GSK3B: variants seen among roughly 807,000 people sequenced by gnomAD.
GSK3B encodes glycogen synthase kinase 3 beta, also known as glycogen synthase kinase-3 beta.
A neutral mutation model predicts 56.4 loss-of-function variants in GSK3B; 15 were observed. The ratio of observed to expected loss-of-function variants is 0.27; its 90% CI spans 0.18 to 0.41. The LOEUF is 0.41. GSK3B is among the 10% of genes least tolerant of loss of function. The pLI, the probability that GSK3B is intolerant of heterozygous loss-of-function variation, is 1.00. For synonymous variants in GSK3B, 181 were observed against 188.9 expected (o/e 0.96, Z 0.34); for missense variants, 300 against 513.4 (o/e 0.58, Z 4.02).
rs1009300289 is a variant in GSK3B at position 119,941,232 on chromosome 3, G to A, written c.366+6036C>T. Among the ~76,000 whole-genome samples the A allele has an allele frequency of 2.6e-5, 4 of 151,964 alleles. No homozygotes were observed. In the East Asian group the frequency reaches 5.8e-4, roughly 22 times the overall value. On this transcript the variant is annotated intron_variant, in intron 3 of 10. Coordinates refer to ENST00000264235, the MANE Select transcript of GSK3B (RefSeq NM_001146156.2). ...GGGTTTCACCATGTTAGCCAGGCTGGTCTCAAATTCCTGACCCCAGGAGAT... is the reference window on the plus strand; with the variant it reads ...GGGTTTCACCATGTTAGCCAGGCTGATCTCAAATTCCTGACCCCAGGAGAT...
rs550369454 is a variant in GSK3B, at chr3:120,081,593, A to G, written c.88+11754T>C. ...CAAATTTAACTTAATTTCTTACATC[A>G]AAACTTAAATGTTCCTAGAAACATC... On this transcript the variant is annotated intron_variant, in intron 1 of 10. Transcript: ENST00000264235. Among the ~76,000 whole-genome samples, 8 of 152,280 alleles carry G rather than the reference A, an allele frequency of 5.3e-5. No individual in the cohort carries two copies. The East Asian group carries it at 1.2e-3, about 22-fold the overall frequency.
intron 1 of GSK3B, among the ~76,000 whole-genome samples, chr3:120,062,070 A>C (rs2058242004): frequency 6.6e-6 from 1 of 152,110 alleles, no homozygotes; most frequent in Admixed American, 6.5e-5. Context: ...ATACCTCCTG[A>C]AACCCTTGTC....
At chr3:119,996,388 T>C (rs546597799) in intron 2 of GSK3B, among the ~76,000 whole-genome samples, 2 of 152,354 alleles carry the variant, frequency 1.3e-5, no homozygotes, top group East Asian at 3.9e-4. Context: ...AAAACCATAG[T>C]ATCTAATACA....
At chr3:119,959,553 C>T (rs1287436800) in intron 2 of GSK3B, among the ~76,000 whole-genome samples, 2 of 145,166 alleles carry the variant, frequency 1.4e-5, no homozygotes, top group African/African-American at 5.1e-5. Flanking sequence ...CTCACTCTGT[C>T]GCCCAGGCTG....
rs1486492119 is a variant in GSK3B, at chr3:119,912,804, C to T, written c.615G>A (p.Lys205=). The change falls in exon 6 of 11, where the codon AAG becomes AAA. Residue 205 remains lysine, a synonymous_variant. Transcript: ENST00000264235. ...CATTGGGTTCTCCTCGGACCAGCTG[C>T]TTTGCACTAACAGAAAAAAAATAAA... is the stretch of plus-strand genomic sequence containing the variant. The part of the protein sequence containing the change: ...VLKLCDFGSA[K]QLVRGEPNVS... 4.5e-6 allele frequency: 7 copies of T among 1,545,108 alleles called. No homozygotes were observed. Among genetic ancestry groups the T allele is most frequent in the Non-Finnish European group, 4.4e-6 (5 of 1,124,796 alleles).
Position 119,825,585 on chromosome 3 carries a change from G to A in GSK3B, c.*1203C>T, listed in dbSNP as rs562504663. The A allele has an allele frequency of 1.5e-4, 35 of 228,380 alleles. No individual in the cohort carries two copies. Among genetic ancestry groups the A allele is most frequent in the Non-Finnish European group, 2.7e-4 (31 of 115,270 alleles). The allele number at this position is 228,380 out of a possible 1,614,324, so 14.1% of individuals were successfully genotyped here. The stretch of plus-strand genomic sequence containing the variant: ...GTATAAGTGACTGTATCATTCTGAT[G>A]TGTAGTTTTTAATATTTCTACCATC... On this transcript the variant is annotated 3_prime_UTR_variant, in exon 11 of 11. Transcript: ENST00000264235.
At chr3:119,923,288 A>T in intron 4 of GSK3B, 85 bp downstream of exon 4, 1 of 692,322 alleles carries the variant, frequency 1.4e-6, no homozygotes, top group Admixed American at 2.5e-5. Context: ...ATTAAATACA[A>T]TAATATAGTT....
intron 9 of GSK3B, among the ~76,000 whole-genome samples, chr3:119,861,652 A>G (rs550267318): frequency 6.6e-6 from 1 of 152,242 alleles, no homozygotes. Context: ...AGCGATTTAC[A>G]AAGACCGTGA....
At chr3:120,016,353 T>C (rs949564253) in intron 1 of GSK3B, among the ~76,000 whole-genome samples, 2 of 152,190 alleles carry the variant, frequency 1.3e-5, no homozygotes, top group Non-Finnish European at 2.9e-5. Context: ...ATTTAATTCC[T>C]ACAAAAAGCC....
At chr3:120,027,642 A>T (rs2057939500) in intron 1 of GSK3B, among the ~76,000 whole-genome samples, 1 of 152,184 alleles carries the variant, frequency 6.6e-6, no homozygotes, top group Non-Finnish European at 1.5e-5. Flanking sequence ...ATTTTCCAAG[A>T]ATATTTAATG....
intron 1 of GSK3B, among the ~76,000 whole-genome samples, chr3:120,085,390 T>C (rs561975021): frequency 1.8e-4 from 27 of 152,164 alleles, no homozygotes; most frequent in Non-Finnish European, 3.4e-4. Flanking sequence ...GCAAATACTA[T>C]CAGTCTGATG....
rs56897578 is a variant in GSK3B, at chr3:120,079,067, G to A, written c.88+14280C>T. ...AACGATTCTCCTGCCTCAGCCTCCC[G>A]TGTAGCTGGGATTACAAGCATGCAC... On this transcript the variant is annotated intron_variant, in intron 1 of 10. Coordinates refer to ENST00000264235, the MANE Select transcript of GSK3B (RefSeq NM_001146156.2). Among the ~76,000 whole-genome samples, 753 of 147,754 alleles carry A rather than the reference G, an allele frequency of 5.1e-3. 4 individuals are homozygous for A. The highest frequency in any genetic ancestry group is 0.018 in the African/African-American group (701 of 40,034).
intron 2 of GSK3B, among the ~76,000 whole-genome samples, chr3:119,993,566 C>T (rs1227249625): frequency 1.3e-5 from 2 of 152,064 alleles, no homozygotes; most frequent in South Asian, 2.1e-4. Flanking sequence ...AACTCTGCCC[C>T]CAGGGATATG....
intron 10 of GSK3B, among the ~76,000 whole-genome samples, chr3:119,842,985 G>A (rs769018104): frequency 2.4e-4 from 37 of 151,746 alleles, no homozygotes; most frequent in African/African-American, 7.5e-4. Flanking sequence ...GCGCAATCTC[G>A]GCTCAATGCA....
At chr3:119,830,948 A>T (rs2107997855) in intron 10 of GSK3B, among the ~76,000 whole-genome samples, 1 of 152,314 alleles carries the variant, frequency 6.6e-6, no homozygotes, top group South Asian at 2.1e-4. Flanking sequence ...ACATATATTT[A>T]TAATCTAGTG....
chr3:119,962,386 A>T (rs2057280691), intron 2 of GSK3B, among the ~76,000 whole-genome samples: 1 of 151,602 alleles, frequency 6.6e-6, no homozygotes, highest in Non-Finnish European at 1.5e-5. Flanking sequence ...AAAAAAAAAA[A>T]AAAACAAAAA....
At chr3:119,928,620 A>AT (rs1559840671) in intron 3 of GSK3B, among the ~76,000 whole-genome samples, 16 of 150,104 alleles carry the variant, frequency 1.1e-4, no homozygotes, top group South Asian at 2.1e-4. Context: ...AATAAAAAAA[A>AT]AAAAAAAAAA....
chr3:120,021,964 A>G (rs1194152842), intron 1 of GSK3B, among the ~76,000 whole-genome samples: 2 of 152,238 alleles, frequency 1.3e-5, no homozygotes, highest in East Asian at 1.9e-4. Context: ...AGGAGGCAGA[A>G]GTAAGATGAT....
intron 1 of GSK3B, among the ~76,000 whole-genome samples, chr3:120,028,150 G>T (rs2057943505): frequency 6.6e-6 from 1 of 152,092 alleles, no homozygotes; most frequent in Non-Finnish European, 1.5e-5. Flanking sequence ...AAAATAACTT[G>T]GCTAGAGCAT....
Sources: allele counts gnomAD v4.1 joint callset (sites outside exome capture counted in the v4.1 genomes callset), GRCh38; gene constraint gnomAD v4.1.1; transcripts MANE v1.5; gene names NCBI Gene and HGNC (gene_info 2026-07-23, HGNC 2026-07-21).